Variants in C15orf39 observed in about 807,000 individuals in gnomAD.
C15orf39 encodes the protein PRMT2 interacting protein.
A neutral mutation model predicts 53.9 loss-of-function variants in C15orf39; 24 were observed. The ratio of observed to expected loss-of-function variants is 0.45; its 90% confidence interval spans 0.32 to 0.63. The LOEUF is 0.63. Among genes scored for constraint, C15orf39 ranks in the 20% least tolerant of loss-of-function variants. The pLI, the probability that C15orf39 is intolerant of heterozygous loss-of-function variation, is 0.04. For missense variants in C15orf39, 1,271 were observed against 1,347.9 expected, an observed-to-expected ratio of 0.94 and a Z score of 0.89; for synonymous variants, 569 against 576.5, an observed-to-expected ratio of 0.99 and a Z score of 0.19.
Position 75,206,895 on chromosome 15 carries a change from C to T in C15orf39, c.847C>T (p.Leu283=). 1.3e-6 allele frequency: 2 copies of T among 1,495,882 alleles called. No homozygotes were observed. Among genetic ancestry groups the T allele is most frequent in the South Asian group, 1.3e-5 (1 of 74,232 alleles). The allele number at this position is 1,495,882 out of a possible 1,614,324, so 92.7% of individuals were successfully genotyped here. A position where few individuals can be genotyped will look rare whatever the true frequency, so the allele number is the denominator to read the frequency against. ...HHPPPHPPQA[L]PCPPACRHPE... ...CCCACCACCCCACCCTCCACAGGCC[C>T]TGCCTTGCCCTCCAGCCTGTCGCCA... The change falls in exon 2 of 3, where the codon CTG becomes TTG. Residue 283 remains leucine (L), a synonymous_variant. Transcript: ENST00000394987.
At position 75,211,627 on chromosome 15, in the gene C15orf39, C is replaced by T. The variant is rs2070483919; in HGVS notation, c.*511C>T. On this transcript the variant is annotated 3_prime_UTR_variant, in exon 3 of 3. Transcript: ENST00000394987. ...AGGACTTGGCTATCGTAGAGTGGTA[C>T]CTTAGGCAGTGGATGTGACTCACAC... 2 of 152,666 alleles carry T rather than the reference C, an allele frequency of 1.3e-5. No homozygotes were observed. Among genetic ancestry groups the T allele is most frequent in the South Asian group, 4.1e-4 (2 of 4,860 alleles). 9.5% of individuals were successfully genotyped at this position (152,666 alleles called of 1,614,324 possible). A position where few individuals can be genotyped will look rare whatever the true frequency, so the allele number is the denominator to read the frequency against.
rs776583386 is a variant in C15orf39 at position 75,210,833 on chromosome 15, A to C, written c.2861A>C (p.Gln954Pro). The change falls in exon 3 of 3, where the codon CAG becomes CCG. Residue 954 changes from glutamine to proline, a missense_variant. Physicochemically the swap from Gln to Pro is moderately conservative, Grantham distance 76. Transcript: ENST00000394987. ...RGEPESLALA[Q>P]KSPAPKVRKP... Reference sequence around the variant, plus strand: ...GAGCCAGAGAGCCTAGCCCTGGCTCAGAAGTCACCGGCCCCCAAGGTCAGG... The same window carrying C: ...GAGCCAGAGAGCCTAGCCCTGGCTCCGAAGTCACCGGCCCCCAAGGTCAGG... The C allele has an allele frequency of 2.5e-6, 4 of 1,613,926 alleles. No individual in the cohort carries two copies. In the Admixed American group the frequency reaches 5.0e-5, roughly 20 times the overall value.
chr15:75,204,071 G>A (rs188264063), intron 1 of C15orf39, among the ~76,000 whole-genome samples: 1 of 152,328 alleles, frequency 6.6e-6, no homozygotes, highest in Admixed American at 6.5e-5. Flanking sequence ...ACCCCAAAAT[G>A]TGCCGGTCTA....
Position 75,205,027 on chromosome 15 carries a change from T to G in C15orf39, c.-50-972T>G, listed in dbSNP as rs181462661. ...GAGGGGTGTGGCTTGTACAGACTGA[T>G]GTCCCCAGTTACCTCTCCTAGGGGA... On this transcript the variant is annotated intron_variant, in intron 1 of 2. Transcript: ENST00000394987. 1.4e-4 allele frequency among the ~76,000 whole-genome samples: 22 copies of G among 152,278 alleles called. 1 individual carries two copies. The highest frequency in any genetic ancestry group is 1.3e-3 in the Admixed American group (20 of 15,296).
chr15:75,206,261 C>G lies in C15orf39; in HGVS notation c.213C>G (p.Pro71=), dbSNP rs377571506. The G allele has an allele frequency of 1.2e-6, 2 of 1,613,990 alleles. No individual in the cohort carries two copies. The highest frequency in any genetic ancestry group is 2.7e-5 in the African/African-American group (2 of 74,916). Residue 71 remains proline (P), a synonymous_variant, in exon 2 of 3, where the codon CCC becomes CCG. Coordinates refer to ENST00000394987, the MANE Select transcript of C15orf39 (RefSeq NM_015492.5). The stretch of plus-strand genomic sequence containing the variant: ...TGGCGTCCTGGACCCCATACCCACC[C>G]TTGTACTCTACCGGTATGGCAGGAC... ...EQLASWTPYP[P]LYSTGMAGPP...
At chr15:75,203,126 G>C (rs564408616) in intron 1 of C15orf39, among the ~76,000 whole-genome samples, 39 of 152,370 alleles carry the variant, frequency 2.6e-4, no homozygotes, top group African/African-American at 9.1e-4. Flanking sequence ...GGAGAATCCA[G>C]ATGCTGGCCA....
rs1282223143 is a variant in C15orf39 at position 75,208,483 on chromosome 15, A to G, written c.2435A>G (p.Gln812Arg). The change falls in exon 2 of 3, where the codon CAG (glutamine) becomes CGG (arginine). Residue 812 changes from glutamine (Q) to arginine (R), a missense_variant. This residue lies in a region of C15orf39 where 277 missense variants were observed against 354.1 expected (regional missense o/e 0.78). Transcript: ENST00000394987. The part of the protein sequence containing the change: ...QAAWQDCQGV[Q>R]GLLAKLLSQL... ...GCGTGGCAGGACTGCCAGGGTGTGC[A>G]GGGGCTGCTGGCCAAGCTGCTGTCT... 2.2e-5 allele frequency: 35 copies of G among 1,597,268 alleles called. No homozygotes were observed. Among genetic ancestry groups the G allele is most frequent in the Non-Finnish European group, 2.9e-5 (34 of 1,175,460 alleles).
chr15:75,200,883 C>A (rs552663059), upstream of C15orf39, among the ~76,000 whole-genome samples: 2 of 151,434 alleles, frequency 1.3e-5, no homozygotes, highest in East Asian at 2.0e-4. Flanking sequence ...CCCAGCCCCT[C>A]CTCCTCAGCT....
Position 75,207,090 on chromosome 15 carries a change from G to T in C15orf39, c.1042G>T (p.Ala348Ser), listed in dbSNP as rs1293171946. The part of the protein sequence containing the change: ...LGLDAYPYPS[A>S]PLPAPSPGLK... ...GCTGGACGCTTACCCCTACCCCTCT[G>T]CCCCTCTCCCAGCACCCTCTCCAGG... Residue 348 changes from alanine to serine, a missense_variant, in exon 2 of 3, where the codon GCC becomes TCC. This residue lies in a region of C15orf39 where 994 missense variants were observed against 993.7 expected (regional missense o/e 1.00). Transcript: ENST00000394987. 2 of 1,612,678 alleles carry T rather than the reference G, an allele frequency of 1.2e-6. No homozygotes were observed. The highest frequency in any genetic ancestry group is 1.7e-5 in the Admixed American group (1 of 59,950).
chr15:75,205,321 C>A (rs2070430254), intron 1 of C15orf39, among the ~76,000 whole-genome samples: 1 of 152,122 alleles, frequency 6.6e-6, no homozygotes, highest in Non-Finnish European at 1.5e-5. Flanking sequence ...GAATGGGTCT[C>A]CTCATCTGTA....
chr15:75,200,356 T>C (rs2070393170), upstream of C15orf39, among the ~76,000 whole-genome samples: 1 of 152,216 alleles, frequency 6.6e-6, no homozygotes, highest in South Asian at 2.1e-4. Context: ...CCTGGCCTGG[T>C]TGGGTCCCAT....
chr15:75,207,564 G>A lies in C15orf39; in HGVS notation c.1516G>A (p.Val506Ile), dbSNP rs753493614. ...TCCACCAATGCCTGTCATTGACAAT[G>A]TCTTCAGCCTGGCCCCCTACCGTGA... Reference protein sequence around the residue: ...SSPPMPVIDNVFSLAPYRDYL... With the variant: ...SSPPMPVIDNIFSLAPYRDYL... The change falls in exon 2 of 3, where the codon GTC becomes ATC. Residue 506 changes from valine (V) to isoleucine (I), a missense_variant. Physicochemically the swap from Val to Ile is conservative, Grantham distance 29. Transcript: ENST00000394987. The A allele has an allele frequency of 1.9e-6, 3 of 1,613,566 alleles. No individual in the cohort carries two copies. Among genetic ancestry groups the A allele is most frequent in the Non-Finnish European group, 2.5e-6 (3 of 1,180,016 alleles).
chr15:75,210,856 A>G lies in C15orf39; in HGVS notation c.2884A>G (p.Arg962Gly). The change falls in exon 3 of 3, where the codon AGG (arginine) becomes GGG (glycine). Residue 962 changes from arginine (R) to glycine (G), a missense_variant. Around this residue, in one of 2 missense-constraint regions of C15orf39, gnomAD observed 277 missense variants for 354.1 expected, o/e 0.78. Transcript: ENST00000394987. ...TCAGAAGTCACCGGCCCCCAAGGTCAGGAAGCCAGGCAGGAAGCCACCAAC... is the reference window on the plus strand; with the variant it reads ...TCAGAAGTCACCGGCCCCCAAGGTCGGGAAGCCAGGCAGGAAGCCACCAAC... Reference protein sequence around the residue: ...LAQKSPAPKVRKPGRKPPTPG... With the variant: ...LAQKSPAPKVGKPGRKPPTPG... 3 of 1,613,742 alleles carry G rather than the reference A, an allele frequency of 1.9e-6. No individual in the cohort carries two copies. The highest frequency in any genetic ancestry group is 2.5e-6 in the Non-Finnish European group (3 of 1,179,984).
In C15orf39 at chr15:75,211,497, C is replaced by G. The variant is rs2070482977; in HGVS notation, c.*381C>G. On this transcript the variant is annotated 3_prime_UTR_variant, in exon 3 of 3. Coordinates refer to ENST00000394987, the MANE Select transcript of C15orf39 (RefSeq NM_015492.5). ...ACCTCACAGGGTTGTTGTGGGGATG[C>G]TGCCTGATACATACCCTGTCACCAT... The G allele has an allele frequency of 5.0e-6, 1 of 201,974 alleles. No individual in the cohort carries two copies. The highest frequency in any genetic ancestry group is 9.9e-6 in the Non-Finnish European group (1 of 101,030). 12.5% of individuals were successfully genotyped at this position (201,974 alleles called of 1,614,324 possible).
In C15orf39 at chr15:75,207,753, AAGG is replaced by A; in HGVS notation, c.1712_1714del (p.Glu571del). On this transcript the variant is annotated inframe_deletion, in exon 2 of 3. Transcript: ENST00000394987. ...GAGTAAACCCCTAAGGGGCTCACTT[AAGG>A]AGGAGGTAGCCCTGGATTTGAGTGT... is the stretch of plus-strand genomic sequence containing the variant. 1 of 1,609,354 alleles carries A rather than the reference AAGG, an allele frequency of 6.2e-7. No homozygotes were observed. The highest frequency in any genetic ancestry group is 1.1e-5 in the South Asian group (1 of 90,704).
rs1191107749 is a variant in C15orf39 at position 75,206,122 on chromosome 15, C to A, written c.74C>A (p.Ser25Tyr). The A allele has an allele frequency of 6.2e-7, 1 of 1,613,846 alleles. No homozygotes were observed. Among genetic ancestry groups the A allele is most frequent in the South Asian group, 1.1e-5 (1 of 91,046 alleles). ...YGKLPRLETD[S>Y]GLEHSLPHSV... ...AAGCTGCCCCGCTTAGAGACAGACT[C>A]CGGGCTCGAGCACAGCCTGCCCCAC... The change falls in exon 2 of 3, where the codon TCC becomes TAC. Residue 25 changes from serine (S) to tyrosine (Y), a missense_variant. Physicochemically the swap from Ser to Tyr is moderately radical, Grantham distance 144. This residue lies in a region of C15orf39 where 994 missense variants were observed against 993.7 expected (regional missense o/e 1.00). Transcript: ENST00000394987.
chr15:75,207,079 C>T lies in C15orf39; in HGVS notation c.1031C>T (p.Pro344Leu), dbSNP rs1297961859. The change falls in exon 2 of 3, where the codon CCC (proline) becomes CTC (leucine). Residue 344 changes from proline (P) to leucine (L), a missense_variant. Around this residue, in one of 2 missense-constraint regions of C15orf39, gnomAD observed 994 missense variants for 993.7 expected, o/e 1.00. Transcript: ENST00000394987. ...YIPPLGLDAY[P>L]YPSAPLPAPS... ...CCCCCACTGGGGCTGGACGCTTACC[C>T]CTACCCCTCTGCCCCTCTCCCAGCA... The T allele has an allele frequency of 3.7e-6, 6 of 1,612,258 alleles. No individual in the cohort carries two copies. Among genetic ancestry groups the T allele is most frequent in the Non-Finnish European group, 4.2e-6 (5 of 1,179,462 alleles).
chr15:75,210,890 C>T lies in C15orf39; in HGVS notation c.2918C>T (p.Pro973Leu), dbSNP rs201803076. The T allele has an allele frequency of 1.7e-5, 27 of 1,613,636 alleles. 1 individual carries two copies. Among genetic ancestry groups the T allele is most frequent in the Admixed American group, 5.0e-5 (3 of 60,000 alleles). ...GGCAGGAAGCCACCAACCCCTGGCC[C>T]GGAGAAAGCAGAGGCAGCTGCTGGG... ...KPGRKPPTPG[P>L]EKAEAAAGEE... Residue 973 changes from proline to leucine, a missense_variant, in exon 3 of 3, where the codon CCG becomes CTG. By Grantham distance (98) the Pro-to-Leu change is moderately conservative. Transcript: ENST00000394987.
In C15orf39 at chr15:75,208,697, A is replaced by G. The variant is rs1270985235; in HGVS notation, c.2649A>G (p.Ala883=). ...CCACCACGCTGTCGGAGGAGCGGGCACTGCGGGAGCTCGCCCTGCCAGGCT... is the reference window on the plus strand; with the variant it reads ...CCACCACGCTGTCGGAGGAGCGGGCGCTGCGGGAGCTCGCCCTGCCAGGCT... ...LRPTTLSEER[A]LRELALPGCT... is the part of the protein sequence containing the mutation. Residue 883 remains alanine (A), a synonymous_variant, in exon 2 of 3, where the codon GCA becomes GCG. Transcript: ENST00000394987. 6.2e-7 allele frequency: 1 copy of G among 1,607,670 alleles called. No homozygotes were observed. Among genetic ancestry groups the G allele is most frequent in the Non-Finnish European group, 8.5e-7 (1 of 1,179,424 alleles).
Sources: gnomAD v4.1 joint callset for allele counts (sites outside exome capture counted in the v4.1 genomes callset) on GRCh38, gnomAD v4.1.1 for gene constraint, gnomAD v4.1.1 regional missense constraint, MANE v1.5 for transcripts, NCBI Gene and HGNC (gene_info 2026-07-23, HGNC 2026-07-21) for gene names.